Variants in YPEL2 observed in about 807,000 individuals in gnomAD.
YPEL2 encodes protein yippee-like 2.
In YPEL2, 2 loss-of-function variants were observed where a neutral mutation model predicts 19.1. That is an observed-to-expected ratio of 0.10 (90% CI 0.04 to 0.33). YPEL2 has a LOEUF of 0.33. Among genes scored for constraint, YPEL2 ranks in the 10% least tolerant of loss-of-function variants. The pLI is 1.00. For synonymous variants in YPEL2, 52 were observed against 50.0 expected, an observed-to-expected ratio of 1.04 and a Z score of -0.17; for missense variants, 66 against 140.7, an observed-to-expected ratio of 0.47 and a Z score of 2.68.
At chr17:59,358,519 G>A (rs1458864517) in intron 2 of YPEL2, among the ~76,000 whole-genome samples, 2 of 151,924 alleles carry the variant, frequency 1.3e-5, no homozygotes, top group Admixed American at 6.6e-5. Flanking sequence ...ACCGAGATCT[G>A]ACCCATCCTG....
At chr17:59,365,738 C>T (rs1318422942) in intron 2 of YPEL2, among the ~76,000 whole-genome samples, 1 of 152,164 alleles carries the variant, frequency 6.6e-6, no homozygotes, top group Non-Finnish European at 1.5e-5. Context: ...AAGGGCTGCC[C>T]AGCCAAGGGG....
At chr17:59,337,611 A>G (rs548778259) in intron 1 of YPEL2, among the ~76,000 whole-genome samples, 4 of 152,300 alleles carry the variant, frequency 2.6e-5, no homozygotes, top group African/African-American at 9.6e-5. Flanking sequence ...AATGCTATAA[A>G]TGATAAATGC....
At chr17:59,338,498 A>G (rs115545795) in intron 1 of YPEL2, among the ~76,000 whole-genome samples, 6 of 152,310 alleles carry the variant, frequency 3.9e-5, no homozygotes, top group African/African-American at 1.2e-4. Context: ...TTTGATCCCT[A>G]TTTTTGAGAT....
intron 1 of YPEL2, among the ~76,000 whole-genome samples, chr17:59,333,437 G>A (rs902781052): frequency 2.0e-5 from 3 of 152,140 alleles, no homozygotes; most frequent in Non-Finnish European, 4.4e-5. Flanking sequence ...TAGAGTTAGG[G>A]GTGGAAAATG....
At chr17:59,379,618 C>A (rs933004826) in intron 2 of YPEL2, among the ~76,000 whole-genome samples, 4 of 152,124 alleles carry the variant, frequency 2.6e-5, no homozygotes, top group African/African-American at 9.7e-5. Context: ...GACAGGCTGG[C>A]TGCTAATGGT....
intron 2 of YPEL2, among the ~76,000 whole-genome samples, chr17:59,382,670 T>C (rs2047955708): frequency 6.6e-6 from 1 of 152,250 alleles, no homozygotes; most frequent in African/African-American, 2.4e-5. Flanking sequence ...TTAAATTTTA[T>C]TGAAGGTATA....
intron 1 of YPEL2, among the ~76,000 whole-genome samples, chr17:59,350,995 CCTGT>C (rs1405330289): frequency 1.3e-5 from 2 of 152,258 alleles, no homozygotes; most frequent in Admixed American, 1.3e-4. Flanking sequence ...TTTTCCCCTG[CCTGT>C]CTTTCCTATT....
intron 1 of YPEL2, among the ~76,000 whole-genome samples, chr17:59,348,133 C>T (rs76127012): frequency 0.027 from 4,184 of 152,284 alleles, 77 homozygotes; most frequent in South Asian, 0.063. Flanking sequence ...CCAGAAGTCA[C>T]GCAGCTAGAA....
chr17:59,397,016 G>GT, intron 4 of YPEL2, 85 bp from the exon 5 acceptor site: 1 of 1,018,208 alleles, frequency 9.8e-7, no homozygotes, highest in Non-Finnish European at 1.4e-6. Context: ...GGGTGACAGA[G>GT]TGAGACTGCC....
chr17:59,356,432 A>G (rs1354478525), intron 2 of YPEL2: 2 of 152,200 alleles, frequency 1.3e-5, no homozygotes, highest in African/African-American at 2.4e-5. Flanking sequence ...CTAAGCCTAC[A>G]TGGAAATGTA....
chr17:59,397,551 C>T lies in YPEL2; in HGVS notation c.*361C>T, dbSNP rs1204060740. 2 of 177,312 alleles carry T rather than the reference C, an allele frequency of 1.1e-5. No homozygotes were observed. Among genetic ancestry groups the T allele is most frequent in the Middle Eastern group, 2.2e-3 (1 of 462 alleles). 11.0% of individuals were successfully genotyped at this position (177,312 alleles called of 1,614,324 possible). ...GCCTCTTGTCAGGAGAGCAGTGGCACGGGGGCGTGAGGAAGAGGGAAAGGG... is the reference window on the plus strand; with the variant it reads ...GCCTCTTGTCAGGAGAGCAGTGGCATGGGGGCGTGAGGAAGAGGGAAAGGG... On this transcript the variant is annotated 3_prime_UTR_variant, in exon 5 of 5. Coordinates refer to ENST00000312655, the MANE Select transcript of YPEL2 (RefSeq NM_001005404.4).
chr17:59,391,220 A>G (rs1382569395), intron 4 of YPEL2, among the ~76,000 whole-genome samples: 3 of 152,158 alleles, frequency 2.0e-5, no homozygotes, highest in African/African-American at 7.2e-5. Flanking sequence ...AAGGAGCCTG[A>G]AGGAGTTGTC....
intron 1 of YPEL2, among the ~76,000 whole-genome samples, chr17:59,352,868 A>AG (rs773269490): frequency 6.6e-5 from 10 of 152,024 alleles, no homozygotes; most frequent in Non-Finnish European, 1.3e-4. Flanking sequence ...GGCTCAGGAG[A>AG]GGGGGTCCCT....
At chr17:59,369,966 T>C (rs1451356299) in intron 2 of YPEL2, among the ~76,000 whole-genome samples, 4 of 152,264 alleles carry the variant, frequency 2.6e-5, no homozygotes, top group Admixed American at 2.6e-4. Context: ...GATGTACTAC[T>C]GTTGTCTCCA....
At chr17:59,380,687 G>A (rs574203800) in intron 2 of YPEL2, among the ~76,000 whole-genome samples, 2 of 152,340 alleles carry the variant, frequency 1.3e-5, no homozygotes, top group African/African-American at 4.8e-5. Flanking sequence ...TAGTAACATA[G>A]CTAGTATACA....
Position 59,356,848 on chromosome 17 carries a change from CTTTA to C in YPEL2, c.117+3324_117+3327del, listed in dbSNP as rs1347231611. 5.1e-4 allele frequency among the ~76,000 whole-genome samples: 78 copies of C among 152,316 alleles called. 4 individuals carry two copies. The East Asian group carries it at 0.015, about 29-fold the overall frequency. ...GAAGGGAAGGGTCTCTCTCTGTCCT[CTTTA>C]TAAGGACACTAATCCCATTCACAAG... On this transcript the variant is annotated intron_variant, in intron 2 of 4. Coordinates refer to ENST00000312655, the MANE Select transcript of YPEL2 (RefSeq NM_001005404.4).
intron 1 of YPEL2, among the ~76,000 whole-genome samples, chr17:59,352,578 TTTAC>T (rs774136010): frequency 2.6e-4 from 40 of 152,344 alleles, no homozygotes; most frequent in Non-Finnish European, 5.3e-4. Flanking sequence ...GTACTGAGTA[TTTAC>T]TTCTGAGTGA....
intron 2 of YPEL2, among the ~76,000 whole-genome samples, chr17:59,384,574 A>G (rs1205817776): frequency 6.6e-6 from 1 of 152,236 alleles, no homozygotes; most frequent in African/African-American, 2.4e-5. Flanking sequence ...CCAGATACCT[A>G]TACATACAGG....
chr17:59,355,946 G>A (rs1185133639), intron 2 of YPEL2: 1 of 152,202 alleles, frequency 6.6e-6, no homozygotes, highest in Non-Finnish European at 1.5e-5. Flanking sequence ...TGAGGGAGCT[G>A]TGGCTGGCAT....
Sources: allele counts gnomAD v4.1 joint callset (sites outside exome capture counted in the v4.1 genomes callset), GRCh38; gene constraint gnomAD v4.1.1; transcripts MANE v1.5; gene names NCBI Gene and HGNC (gene_info 2026-07-23, HGNC 2026-07-21).